The following ZNF670 variants were observed in gnomAD, a reference collection of about 807,000 sequenced individuals.
ZNF670 encodes the protein zinc finger protein 670.
ZNF670 carries 7 observed loss-of-function variants against 10.9 expected under a neutral mutation model. The ratio of observed to expected loss-of-function variants is 0.64; its 90% CI spans 0.36 to 1.20. ZNF670 has a LOEUF of 1.20. Ranked by LOEUF, ZNF670 falls within the 50% of genes most tolerant of loss-of-function variation. The probability of loss-of-function intolerance (pLI) is 0.02; values close to 1 mark genes in which losing one functional copy is unlikely to be tolerated. For synonymous variants in ZNF670, 136 were observed against 152.7 expected (o/e 0.89, Z 0.81); for missense variants, 446 against 458.6 (o/e 0.97, Z 0.25).
chr1:247,048,104 C>T (rs1034870913), intron 1 of ZNF670, among the ~76,000 whole-genome samples: 1 of 152,160 alleles, frequency 6.6e-6, no homozygotes, highest in Non-Finnish European at 1.5e-5. Context: ...ATTTTCCAAA[C>T]GTTTATGCTC....
At chr1:247,057,005 C>T (rs1189205404) in intron 1 of ZNF670, among the ~76,000 whole-genome samples, 1 of 152,138 alleles carries the variant, frequency 6.6e-6, no homozygotes, top group Non-Finnish European at 1.5e-5. Context: ...ATGAGATCCA[C>T]ATCAAGTTAA....
intron 1 of ZNF670, 148 bp from the exon 2 acceptor site, chr1:247,039,685 C>A: frequency 2.3e-6 from 2 of 856,008 alleles, no homozygotes; most frequent in East Asian, 6.8e-5. Context: ...TCTCTGTCTG[C>A]ACTTACTGCT....
At chr1:247,077,023 G>A (rs1162677434) in intron 1 of ZNF670, among the ~76,000 whole-genome samples, 1 of 152,230 alleles carries the variant, frequency 6.6e-6, no homozygotes, top group Non-Finnish European at 1.5e-5. Context: ...CCTCACTGGG[G>A]TGGGTATTCC....
chr1:247,073,122 T>G (rs1671177085), intron 1 of ZNF670, among the ~76,000 whole-genome samples: 1 of 152,150 alleles, frequency 6.6e-6, no homozygotes. Flanking sequence ...TAAAGTCTTA[T>G]CATTTAAACT....
At chr1:247,043,456 T>C in intron 1 of ZNF670, 4 of 623,350 alleles carry the variant, frequency 6.4e-6, no homozygotes, top group South Asian at 3.0e-5. Context: ...AAAAAAACTT[T>C]GAAGAATATG....
intron 1 of ZNF670, among the ~76,000 whole-genome samples, chr1:247,065,837 C>T (rs1670967754): frequency 6.6e-6 from 1 of 152,286 alleles, no homozygotes; most frequent in Non-Finnish European, 1.5e-5. Flanking sequence ...GTCAGTTTAT[C>T]CATACATTCC....
At position 247,042,848 on chromosome 1, in the gene ZNF670, C is replaced by T. The variant is rs1558337050; in HGVS notation, c.4-3311G>A. The T allele has an allele frequency of 5.2e-6, 3 of 581,220 alleles. No homozygotes were observed. The East Asian group carries it at 1.0e-4, about 20-fold the overall frequency. The allele number at this position is 581,220 out of a possible 1,614,324, so 36.0% of individuals were successfully genotyped here. A position where few individuals can be genotyped will look rare whatever the true frequency, so the allele number is the denominator to read the frequency against. ...GCTACTGAAATGTTATTACCAGAGG[C>T]TCTTTCCCTATTCTCTGTACTGTAA... On this transcript the variant is annotated intron_variant, in intron 1 of 3. Transcript: ENST00000366503.
intron 1 of ZNF670, among the ~76,000 whole-genome samples, chr1:247,044,172 T>C (rs1670384404): frequency 6.6e-6 from 1 of 152,076 alleles, no homozygotes; most frequent in Non-Finnish European, 1.5e-5. Flanking sequence ...AAATAATTTA[T>C]GTTGAAAAGA....
At chr1:247,045,651 G>A (rs1670425509) in intron 1 of ZNF670, among the ~76,000 whole-genome samples, 1 of 152,106 alleles carries the variant, frequency 6.6e-6, no homozygotes, top group Non-Finnish European at 1.5e-5. Context: ...TTATATCAAT[G>A]GAAAAATGGA....
chr1:247,035,774 C>T lies in ZNF670; in HGVS notation c.*1675G>A, dbSNP rs1023270073. On this transcript the variant is annotated 3_prime_UTR_variant, in exon 4 of 4. Coordinates refer to ENST00000366503, the MANE Select transcript of ZNF670 (RefSeq NM_033213.5). ...AAATGCAAAAGGCCCCAACAATACA[C>T]TGGAAAATTGAACGTTATCAATATG... Among the ~76,000 whole-genome samples the T allele has an allele frequency of 6.6e-6, 1 of 152,160 alleles. No homozygotes were observed. The highest frequency in any genetic ancestry group is 2.4e-5 in the African/African-American group (1 of 41,434).
intron 1 of ZNF670, among the ~76,000 whole-genome samples, chr1:247,051,170 T>C (rs1415021301): frequency 6.6e-6 from 1 of 150,624 alleles, no homozygotes; most frequent in Non-Finnish European, 1.5e-5. Context: ...TAGCCGGGCG[T>C]GGTGGCAAGC....
In ZNF670 at chr1:247,038,760, A is replaced by T. The variant is rs375402819; in HGVS notation, c.191+50T>A. The stretch of plus-strand genomic sequence containing the variant: ...TTTGTCTGTTTTAAAAACTTATGAC[A>T]TGCTAAGATTCCCTCAAGGGGCATT... On this transcript the variant is annotated intron_variant, in intron 3 of 3. Coordinates refer to ENST00000366503, the MANE Select transcript of ZNF670 (RefSeq NM_033213.5). 8.7e-6 allele frequency: 13 copies of T among 1,487,452 alleles called. No homozygotes were observed. In the African/African-American group the frequency reaches 1.8e-4, roughly 21 times the overall value. The allele number at this position is 1,487,452 out of a possible 1,614,324, so 92.1% of individuals were successfully genotyped here.
chr1:247,059,619 T>A (rs1572566515), intron 1 of ZNF670, among the ~76,000 whole-genome samples: 1 of 152,088 alleles, frequency 6.6e-6, no homozygotes, highest in East Asian at 1.9e-4. Flanking sequence ...AAGTATATAA[T>A]CATATCAATA....
At chr1:247,043,722 G>A (rs1372801246) in intron 1 of ZNF670, 16 of 445,816 alleles carry the variant, frequency 3.6e-5, no homozygotes, top group Middle Eastern at 3.7e-4. Flanking sequence ...ATCATTTACC[G>A]CAGAGCCCTT....
rs918921995 is a variant in ZNF670, at chr1:247,037,096, T to A, written c.*353A>T. On this transcript the variant is annotated 3_prime_UTR_variant, in exon 4 of 4. Coordinates refer to ENST00000366503, the MANE Select transcript of ZNF670 (RefSeq NM_033213.5). ...TATTAAGCTCATGTACTATGGCTTA[T>A]AAAGTATCTGTGAAATTCTCAGCTC... 6.2e-5 allele frequency: 12 copies of A among 192,928 alleles called. No homozygotes were observed. Among genetic ancestry groups the A allele is most frequent in the Non-Finnish European group, 1.3e-4 (12 of 93,880 alleles). 12.0% of individuals were successfully genotyped at this position (192,928 alleles called of 1,614,324 possible). A position where few individuals can be genotyped will look rare whatever the true frequency, so the allele number is the denominator to read the frequency against.
rs778598074 is a variant in ZNF670 at position 247,038,400 on chromosome 1, T to C, written c.219A>G (p.Glu73=). ...CTCCATATTGACTGCCTTCTTTAAT[T>C]TCAAACAGTCTCTCTACCACATGAC... ...LSSHVVERLF[E]IKEGSQYGET... Residue 73 remains glutamate, a synonymous_variant, in exon 4 of 4, where the codon GAA becomes GAG. Transcript: ENST00000366503. 1 of 1,612,028 alleles carries C rather than the reference T, an allele frequency of 6.2e-7. No homozygotes were observed. Among genetic ancestry groups the C allele is most frequent in the African/African-American group, 1.3e-5 (1 of 74,868 alleles).
intron 1 of ZNF670, among the ~76,000 whole-genome samples, chr1:247,045,828 T>C (rs1022094423): frequency 1.3e-5 from 2 of 152,112 alleles, no homozygotes; most frequent in Non-Finnish European, 2.9e-5. Flanking sequence ...AGTGGTTAAG[T>C]GATTGAAACC....
At position 247,038,174 on chromosome 1, in the gene ZNF670, C is replaced by G; in HGVS notation, c.445G>C (p.Ala149Pro). The G allele has an allele frequency of 6.2e-7, 1 of 1,614,142 alleles. No individual in the cohort carries two copies. The highest frequency in any genetic ancestry group is 8.5e-7 in the Non-Finnish European group (1 of 1,180,016). Residue 149 changes from alanine to proline, a missense_variant, in exon 4 of 4, where the codon GCC becomes CCC. Transcript: ENST00000366503. ...TCAACACTGGTGAGAGAGATAAAGGCTTTCCCACATTGTTTGCAATGATAT... is the reference window on the plus strand; with the variant it reads ...TCAACACTGGTGAGAGAGATAAAGGGTTTCCCACATTGTTTGCAATGATAT... ...KLYHCKQCGKAFISLTSVDRH... is the reference protein window; with the variant it reads ...KLYHCKQCGKPFISLTSVDRH...
At position 247,038,199 on chromosome 1, in the gene ZNF670, T is replaced by C. The variant is rs750687920; in HGVS notation, c.420A>G (p.Leu140=). Residue 140 remains leucine (L), a synonymous_variant, in exon 4 of 4, where the codon TTA becomes TTG. Transcript: ENST00000366503. ...CTTTCCCACATTGTTTGCAATGATATAACTTCTCTGGACATTCCTCACACT... is the reference window on the plus strand; with the variant it reads ...CTTTCCCACATTGTTTGCAATGATACAACTTCTCTGGACATTCCTCACACT... ...LFECEECPEK[L]YHCKQCGKAF... The C allele has an allele frequency of 6.2e-7, 1 of 1,614,170 alleles. No homozygotes were observed. Among genetic ancestry groups the C allele is most frequent in the Non-Finnish European group, 8.5e-7 (1 of 1,180,012 alleles).
Sources: allele counts gnomAD v4.1 joint callset (sites outside exome capture counted in the v4.1 genomes callset), GRCh38; gene constraint gnomAD v4.1.1; transcripts MANE v1.5; gene names NCBI Gene and HGNC (gene_info 2026-07-23, HGNC 2026-07-21).